The following SLC4A4 variants were observed in gnomAD, a reference collection of about 807,000 sequenced individuals.
SLC4A4 encodes the protein electrogenic sodium bicarbonate cotransporter 1.
SLC4A4 carries 27 observed loss-of-function variants against 111.5 expected under a neutral mutation model. That is an observed-to-expected ratio of 0.24 (90% confidence interval 0.18 to 0.33). The LOEUF is 0.33. SLC4A4 is among the 10% of genes least tolerant of loss of function. The probability of loss-of-function intolerance (pLI) is 1.00; values close to 1 mark genes in which losing one functional copy is unlikely to be tolerated. For missense variants in SLC4A4, 909 were observed against 1,315.5 expected (o/e 0.69, Z 4.78); for synonymous variants, 443 against 463.4 (o/e 0.96, Z 0.57).
At chr4:71,430,284 C>G (rs1353057222) in intron 7 of SLC4A4, among the ~76,000 whole-genome samples, 1 of 152,004 alleles carries the variant, frequency 6.6e-6, no homozygotes, top group Non-Finnish European at 1.5e-5. Context: ...ATTGTAGGCA[C>G]CCATAAAGTC....
rs754788772 is a variant in SLC4A4, at chr4:71,453,534, G to A, written c.1362G>A (p.Ala454=). The A allele has an allele frequency of 2.7e-5, 43 of 1,613,782 alleles. No homozygotes were observed. The highest frequency in any genetic ancestry group is 3.3e-5 in the Admixed American group (2 of 59,984). The stretch of plus-strand genomic sequence containing the variant: ...TAATTAAAGACATAAAGAGGAAAGC[G>A]CCATTTTTTGCCAGTGATTTTTATG... The part of the protein sequence containing the change: ...GGLIKDIKRK[A]PFFASDFYDA... Residue 454 remains alanine (A), a synonymous_variant, in exon 12 of 26, where the codon GCG becomes GCA. Coordinates refer to ENST00000264485, the MANE Select transcript of SLC4A4 (RefSeq NM_001098484.3).
At chr4:71,170,578 TATTA>T (rs763872778) in intron 2 of SLC4A4, among the ~76,000 whole-genome samples, 15 of 152,216 alleles carry the variant, frequency 9.9e-5, no homozygotes, top group Non-Finnish European at 2.1e-4. Flanking sequence ...TAACTTCATT[TATTA>T]ATTGTTTTAT....
intron 7 of SLC4A4, among the ~76,000 whole-genome samples, chr4:71,422,963 A>C (rs1408233937): frequency 6.6e-6 from 1 of 152,174 alleles, no homozygotes; most frequent in Non-Finnish European, 1.5e-5. Context: ...CTCCTATTCA[A>C]CATAGTGTTG....
At chr4:71,141,072 G>T (rs1002731303) in intron 2 of SLC4A4, among the ~76,000 whole-genome samples, 1 of 151,888 alleles carries the variant, frequency 6.6e-6, no homozygotes, top group Non-Finnish European at 1.5e-5. Flanking sequence ...TATTAACTAC[G>T]TTCATCATAC....
intron 6 of SLC4A4, among the ~76,000 whole-genome samples, chr4:71,360,843 A>G (rs929724385): frequency 5.3e-5 from 8 of 152,240 alleles, no homozygotes; most frequent in African/African-American, 1.9e-4. Flanking sequence ...TAGTTCAGTT[A>G]AAGACGGGGT....
chr4:71,260,203 G>A (rs956751363), intron 3 of SLC4A4, among the ~76,000 whole-genome samples: 3 of 152,130 alleles, frequency 2.0e-5, no homozygotes, highest in Admixed American at 6.5e-5. Context: ...GGTGCTTCCG[G>A]GTAAATGAAC....
At chr4:71,116,425 C>T (rs1743252410) in intron 2 of SLC4A4, among the ~76,000 whole-genome samples, 1 of 152,164 alleles carries the variant, frequency 6.6e-6, no homozygotes, top group South Asian at 2.1e-4. Context: ...CAAAACGAGT[C>T]AACACATAGC....
chr4:71,100,980 C>T (rs1369138283), intron 2 of SLC4A4, among the ~76,000 whole-genome samples: 1 of 152,202 alleles, frequency 6.6e-6, no homozygotes, highest in Non-Finnish European at 1.5e-5. Context: ...CCATGCTCGG[C>T]TGGGCGTGGT....
At chr4:71,144,640 T>C (rs1235260634) in intron 2 of SLC4A4, among the ~76,000 whole-genome samples, 1 of 151,518 alleles carries the variant, frequency 6.6e-6, no homozygotes, top group Non-Finnish European at 1.5e-5. Flanking sequence ...GGGTTTGTAG[T>C]TCTCCTTGAA....
chr4:71,297,083 A>G (rs1724852758), intron 3 of SLC4A4, among the ~76,000 whole-genome samples: 1 of 152,236 alleles, frequency 6.6e-6, no homozygotes, highest in African/African-American at 2.4e-5. Flanking sequence ...GGCTAAGCTT[A>G]GTTGCACCCA....
intron 3 of SLC4A4, among the ~76,000 whole-genome samples, chr4:71,297,303 C>T (rs1389279411): frequency 6.6e-6 from 1 of 152,178 alleles, no homozygotes. Flanking sequence ...GGTAGACACT[C>T]TGAGCTTCTT....
In SLC4A4 at chr4:71,077,189, C is replaced by G. The variant is rs189925384; in HGVS notation, c.-65+14401C>G. On this transcript the variant is annotated intron_variant, in intron 1 of 26. Coordinates refer to the SLC4A4 transcript ENST00000649996. ...CTTTTTTTTTTTTTTGAGACGGAGT[C>G]TCGCTCTGTCACCCAGGCTGGAGTG... is the stretch of plus-strand genomic sequence containing the variant. Among the ~76,000 whole-genome samples the G allele has an allele frequency of 1.4e-3, 204 of 148,358 alleles. 5 individuals carry two copies. The highest frequency in any genetic ancestry group is 0.014 in the Admixed American group (202 of 14,904).
upstream of SLC4A4, among the ~76,000 whole-genome samples, chr4:71,185,284 A>G (rs549870741): frequency 2.4e-4 from 36 of 152,380 alleles, no homozygotes; most frequent in African/African-American, 8.7e-4. Context: ...CTGAACAGCA[A>G]TGGCAAATTT....
intron 3 of SLC4A4, among the ~76,000 whole-genome samples, chr4:71,257,601 G>C (rs1721548338): frequency 1.3e-5 from 2 of 152,098 alleles, no homozygotes. Flanking sequence ...AAATTGTTGT[G>C]GGAAAACTGA....
chr4:71,227,063 T>C (rs779497294), intron 1 of SLC4A4, among the ~76,000 whole-genome samples: 12 of 152,126 alleles, frequency 7.9e-5, no homozygotes, highest in Non-Finnish European at 1.6e-4. Flanking sequence ...CATTGTAACG[T>C]GCTATATGAG....
At chr4:71,261,031 T>C (rs1167267872) in intron 3 of SLC4A4, among the ~76,000 whole-genome samples, 1 of 152,214 alleles carries the variant, frequency 6.6e-6, no homozygotes, top group East Asian at 1.9e-4. Context: ...TTCTTTAAGC[T>C]CTTCTGGTCT....
At chr4:71,260,664 T>C (rs918039874) in intron 3 of SLC4A4, among the ~76,000 whole-genome samples, 1 of 152,206 alleles carries the variant, frequency 6.6e-6, no homozygotes, top group African/African-American at 2.4e-5. Context: ...GGGACACTTG[T>C]GTTGTAATTT....
chr4:71,250,571 A>G (rs967621061), intron 2 of SLC4A4, among the ~76,000 whole-genome samples: 2 of 152,032 alleles, frequency 1.3e-5, no homozygotes, highest in Admixed American at 1.3e-4. Flanking sequence ...ATTATATACT[A>G]CCTTATTCCA....
intron 3 of SLC4A4, among the ~76,000 whole-genome samples, chr4:71,265,081 C>T (rs1178881661): frequency 6.6e-6 from 1 of 152,128 alleles, no homozygotes; most frequent in Non-Finnish European, 1.5e-5. Context: ...TTCCTTAAAC[C>T]TCTTTTATCC....
Sources: allele counts gnomAD v4.1 joint callset (sites outside exome capture counted in the v4.1 genomes callset), GRCh38; gene constraint gnomAD v4.1.1; transcripts MANE v1.5; gene names NCBI Gene and HGNC (gene_info 2026-07-23, HGNC 2026-07-21).